Variants in LCA5 observed in about 807,000 individuals in gnomAD.
LCA5 encodes lebercilin LCA5.
LCA5 carries 37 observed loss-of-function variants against 53.0 expected under a neutral mutation model. The ratio of observed to expected loss-of-function variants is 0.70; its 90% CI spans 0.54 to 0.92. LCA5 has a LOEUF of 0.92. Among genes scored for constraint, LCA5 ranks in the 40% least tolerant of loss-of-function variants. LCA5 has a pLI of 0.00. For missense variants in LCA5, 806 were observed against 790.5 expected, an observed-to-expected ratio of 1.02 and a Z score of -0.23; for synonymous variants, 303 against 282.9, an observed-to-expected ratio of 1.07 and a Z score of -0.71.
intron 3 of LCA5, among the ~76,000 whole-genome samples, chr6:79,505,356 T>C (rs982371895): frequency 6.6e-6 from 1 of 152,210 alleles, no homozygotes; most frequent in African/African-American, 2.4e-5. Context: ...AGAATCTCAA[T>C]GAATATTTTA....
chr6:79,491,644 G>A lies in LCA5; in HGVS notation c.1042C>T (p.Pro348Ser). Reference sequence around the variant, plus strand: ...TTTTCGTAACACATAATTGTTTCTGGAGTTAAAGGATATTCTTCTGGCTTG... The same window carrying A: ...TTTTCGTAACACATAATTGTTTCTGAAGTTAAAGGATATTCTTCTGGCTTG... ...DFKPEEYPLT[P>S]ETIMCYENKW... The change falls in exon 6 of 8, where the codon CCA (proline) becomes TCA (serine). Residue 348 changes from proline (P) to serine (S), a missense_variant. Physicochemically the swap from Pro to Ser is moderately conservative, Grantham distance 74. Transcript: ENST00000369846. The A allele has an allele frequency of 6.2e-7, 1 of 1,613,120 alleles. No homozygotes were observed. The highest frequency in any genetic ancestry group is 1.7e-4 in the Middle Eastern group (1 of 6,056).
At chr6:79,498,389 C>T (rs1770041132) in intron 3 of LCA5, among the ~76,000 whole-genome samples, 1 of 151,956 alleles carries the variant, frequency 6.6e-6, no homozygotes. Flanking sequence ...TCCTATCCCC[C>T]CCTAGATATT....
intron 3 of LCA5, among the ~76,000 whole-genome samples, chr6:79,502,734 G>A (rs1770175840): frequency 6.6e-6 from 1 of 151,932 alleles, no homozygotes; most frequent in Non-Finnish European, 1.5e-5. Context: ...TATTATAAGA[G>A]GAACCTATTA....
intron 1 of LCA5, among the ~76,000 whole-genome samples, chr6:79,519,715 CAA>C (rs397887695): frequency 1.2e-4 from 6 of 50,006 alleles, no homozygotes; most frequent in Admixed American, 2.1e-4. Flanking sequence ...GACTCCATCT[CAA>C]AAAAAAAAAA....
intron 3 of LCA5, among the ~76,000 whole-genome samples, chr6:79,499,968 T>C (rs898377745): frequency 6.6e-6 from 1 of 151,422 alleles, no homozygotes. Context: ...GTTCTTGCGA[T>C]AGTTTACTGA....
chr6:79,523,425 T>C (rs1239489302), intron 1 of LCA5, among the ~76,000 whole-genome samples: 3 of 152,210 alleles, frequency 2.0e-5, no homozygotes, highest in Non-Finnish European at 4.4e-5. Flanking sequence ...AATGTAAGTC[T>C]AACTTTTTAA....
At chr6:79,502,724 T>C (rs1770175479) in intron 3 of LCA5, among the ~76,000 whole-genome samples, 2 of 152,146 alleles carry the variant, frequency 1.3e-5, no homozygotes, top group Non-Finnish European at 2.9e-5. Flanking sequence ...CAAAATATAC[T>C]ATTATAAGAG....
intron 1 of LCA5, among the ~76,000 whole-genome samples, chr6:79,519,572 C>T (rs554826551): frequency 6.6e-6 from 1 of 151,966 alleles, no homozygotes; most frequent in Admixed American, 6.5e-5. Flanking sequence ...CAAAAATTAG[C>T]TGGGCGTGGT....
In LCA5 at chr6:79,489,134, G is replaced by C. The variant is rs369178808; in HGVS notation, c.1181C>G (p.Thr394Arg). 130 of 1,612,932 alleles carry C rather than the reference G, an allele frequency of 8.1e-5. No individual in the cohort carries two copies. The highest frequency in any genetic ancestry group is 1.1e-4 in the Non-Finnish European group (129 of 1,179,724). ...TTTTACGACATGGAGTTCTTCATCT[G>C]TAACAAATTTTTCTTCTCTTTCCAT... ...PIMEREEKFV[T>R]DEELHVVKQE... The change falls in exon 7 of 8, where the codon ACA becomes AGA. Residue 394 changes from threonine to arginine, a missense_variant. Transcript: ENST00000369846.
In LCA5 at chr6:79,518,748, T is replaced by C. The variant is rs760398576; in HGVS notation, c.147A>G (p.Lys49=). The C allele has an allele frequency of 6.2e-7, 1 of 1,614,136 alleles. No homozygotes were observed. ...CATCTGAAGTTTGTCTTTTAGGATTTTTTCTCCTAACACTTGCAGGTGAAG... is the reference window on the plus strand; with the variant it reads ...CATCTGAAGTTTGTCTTTTAGGATTCTTTCTCCTAACACTTGCAGGTGAAG... The part of the protein sequence containing the change: ...VSSSPASVRR[K]NPKRQTSDGQ... Residue 49 remains lysine (K), a synonymous_variant, in exon 2 of 8, where the codon AAA becomes AAG. Coordinates refer to ENST00000369846, the MANE Select transcript of LCA5 (RefSeq NM_001122769.3).
chr6:79,505,121 T>C (rs1770241647), intron 3 of LCA5, among the ~76,000 whole-genome samples: 1 of 152,172 alleles, frequency 6.6e-6, no homozygotes, highest in Non-Finnish European at 1.5e-5. Context: ...TTGTATTACT[T>C]TTTCAATGGG....
chr6:79,487,078 G>A lies in LCA5; in HGVS notation c.2020C>T (p.His674Tyr). ...TTTACTGCTGGTTTATCGTCTGCAT[G>A]TTTTAATCGGTGCCTATTTGGATTA... ...SFNPNRHRLK[H>Y]ADDKPAVKAA... is the part of the protein sequence containing the mutation. The change falls in exon 8 of 8, where the codon CAT (histidine) becomes TAT (tyrosine). Residue 674 changes from histidine to tyrosine, a missense_variant. His to Tyr is a moderately conservative substitution (Grantham distance 83, BLOSUM62 2). Coordinates refer to ENST00000369846, the MANE Select transcript of LCA5 (RefSeq NM_001122769.3). 3 of 1,613,754 alleles carry A rather than the reference G, an allele frequency of 1.9e-6. No individual in the cohort carries two copies. Among genetic ancestry groups the A allele is most frequent in the Non-Finnish European group, 2.5e-6 (3 of 1,179,724 alleles).
At chr6:79,521,343 C>T (rs1431030344) in intron 1 of LCA5, among the ~76,000 whole-genome samples, 1 of 152,060 alleles carries the variant, frequency 6.6e-6, no homozygotes, top group African/African-American at 2.4e-5. Context: ...GGTGGTAAAA[C>T]CACACAAATT....
intron 3 of LCA5, among the ~76,000 whole-genome samples, chr6:79,503,178 G>A (rs902497026): frequency 4.6e-5 from 7 of 152,106 alleles, no homozygotes; most frequent in East Asian, 1.9e-4. Context: ...TACTGCACCC[G>A]GCCATGACCT....
intron 3 of LCA5, among the ~76,000 whole-genome samples, chr6:79,500,199 T>C (rs915114663): frequency 6.6e-6 from 1 of 152,150 alleles, no homozygotes; most frequent in African/African-American, 2.4e-5. Context: ...TACAGTCCTT[T>C]GGGTAATTTT....
intron 3 of LCA5, among the ~76,000 whole-genome samples, chr6:79,510,418 T>C (rs1245833183): frequency 6.6e-6 from 1 of 152,146 alleles, no homozygotes; most frequent in African/African-American, 2.4e-5. Context: ...AAACACCAAG[T>C]GGTACACCTT....
intron 3 of LCA5, among the ~76,000 whole-genome samples, chr6:79,511,697 T>G (rs898788352): frequency 2.0e-5 from 3 of 152,104 alleles, no homozygotes; most frequent in African/African-American, 7.2e-5. Flanking sequence ...CACTATATAT[T>G]TTTTACAACT....
At chr6:79,527,964 G>A (rs1766839622) in intron 1 of LCA5, among the ~76,000 whole-genome samples, 1 of 152,104 alleles carries the variant, frequency 6.6e-6, no homozygotes, top group South Asian at 2.1e-4. Flanking sequence ...AAGAATTTAA[G>A]GCAAACCTTA....
At chr6:79,529,529 A>G (rs1392126941) in intron 1 of LCA5, among the ~76,000 whole-genome samples, 2 of 152,084 alleles carry the variant, frequency 1.3e-5, no homozygotes, top group Non-Finnish European at 2.9e-5. Flanking sequence ...AGATGGGGTA[A>G]TCCATCAGCC....
Sources: allele counts gnomAD v4.1 joint callset (sites outside exome capture counted in the v4.1 genomes callset), GRCh38; gene constraint gnomAD v4.1.1; transcripts MANE v1.5; gene names NCBI Gene and HGNC (gene_info 2026-07-23, HGNC 2026-07-21).